OR3A2: variants seen among roughly 807,000 people sequenced by gnomAD.
The protein encoded by OR3A2 is olfactory receptor family 3 subfamily A member 2.
For missense variants in OR3A2, 318 were observed against 392.8 expected, an observed-to-expected ratio of 0.81 and a Z score of 1.61; for synonymous variants, 126 against 159.3, an observed-to-expected ratio of 0.79 and a Z score of 1.57.
chr17:3,292,399 T>C (rs547307019), intron 3 of OR3A2: 1 of 1,613,602 alleles, frequency 6.2e-7, no homozygotes, highest in Admixed American at 1.7e-5. Flanking sequence ...AAGAAGTACA[T>C]GGGGGTGTGG....
At chr17:3,338,299 G>T (rs1251536701) in intron 2 of OR3A2, among the ~76,000 whole-genome samples, 2 of 151,974 alleles carry the variant, frequency 1.3e-5, no homozygotes, top group African/African-American at 2.4e-5. Flanking sequence ...GTCTATTTTG[G>T]CTTTTGTTGC....
chr17:3,348,531 G>C (rs1374817110), intron 2 of OR3A2, among the ~76,000 whole-genome samples: 1 of 152,130 alleles, frequency 6.6e-6, no homozygotes, highest in Non-Finnish European at 1.5e-5. Context: ...GGGACTATGT[G>C]AAAAGACAAA....
At chr17:3,292,358 C>G in intron 3 of OR3A2, 1 of 1,614,094 alleles carries the variant, frequency 6.2e-7, no homozygotes, top group Non-Finnish European at 8.5e-7. Flanking sequence ...CGCTGATGCA[C>G]CCAACATCCA....
chr17:3,352,427 T>A (rs2049428561), intron 2 of OR3A2, among the ~76,000 whole-genome samples: 1 of 152,062 alleles, frequency 6.6e-6, no homozygotes, highest in Non-Finnish European at 1.5e-5. Context: ...ATTTGATTTT[T>A]ATTTATGATG....
At chr17:3,293,175 AG>A (rs1427914752) in intron 3 of OR3A2, among the ~76,000 whole-genome samples, 4 of 150,298 alleles carry the variant, frequency 2.7e-5, no homozygotes, top group Non-Finnish European at 5.9e-5. Flanking sequence ...AAGGGTGGGT[AG>A]GGGGAGGCAA....
chr17:3,292,623 T>C (rs1477891981), intron 3 of OR3A2: 13 of 1,476,812 alleles, frequency 8.8e-6, no homozygotes, highest in Non-Finnish European at 1.2e-5. Context: ...AAAGAATCAC[T>C]CCTCCCAATA....
Position 3,302,921 on chromosome 17 carries a change from C to T in OR3A2, c.-84-23768G>A, listed in dbSNP as rs192558523. On this transcript the variant is annotated intron_variant, in intron 3 of 4. Coordinates refer to the OR3A2 transcript ENST00000573491. ...TACAACTTTCTATCTCACTAGGCTG[C>T]CCCTGTTCATCACAACATATTTTAA... Among the ~76,000 whole-genome samples the T allele has an allele frequency of 2.0e-5, 3 of 152,262 alleles. No homozygotes were observed. The East Asian group carries it at 5.8e-4, about 29-fold the overall frequency.
intron 3 of OR3A2, chr17:3,292,028 T>C: frequency 6.2e-7 from 1 of 1,614,080 alleles, no homozygotes; most frequent in Admixed American, 1.7e-5. Flanking sequence ...GGAAGAGCTG[T>C]GGGAGGTCAC....
chr17:3,353,584 G>A (rs2049438733), intron 2 of OR3A2, among the ~76,000 whole-genome samples: 1 of 151,698 alleles, frequency 6.6e-6, no homozygotes, highest in African/African-American at 2.4e-5. Context: ...AAGGGATGTT[G>A]GATTTTATCA....
intron 3 of OR3A2, among the ~76,000 whole-genome samples, chr17:3,329,966 T>C (rs1212873683): frequency 6.8e-6 from 1 of 146,320 alleles, no homozygotes; most frequent in African/African-American, 2.7e-5. Context: ...CATTTCGTTA[T>C]GTATCCAGTA....
chr17:3,307,820 C>A (rs891405898), intron 3 of OR3A2, among the ~76,000 whole-genome samples: 1 of 152,114 alleles, frequency 6.6e-6, no homozygotes, highest in East Asian at 1.9e-4. Context: ...GAAATCCTGA[C>A]CTAGGCTCTG....
In OR3A2 at chr17:3,359,223, T is replaced by A. The variant is rs1200750191; in HGVS notation, c.-178-23097A>T. On this transcript the variant is annotated intron_variant, in intron 2 of 4. Coordinates refer to the OR3A2 transcript ENST00000573491. ...CAGAATACTACTGGATCTTGCTTTA[T>A]CCAGCTTGCCACTCTGTGCCTTTGA... Among the ~76,000 whole-genome samples the A allele has an allele frequency of 1.3e-5, 2 of 151,692 alleles. 1 individual carries two copies. The highest frequency in any genetic ancestry group is 4.9e-5 in the African/African-American group (2 of 40,982).
At chr17:3,288,258 A>AGAC (rs1402408982), upstream of OR3A2, among the ~76,000 whole-genome samples, 2 of 150,722 alleles carry the variant, frequency 1.3e-5, no homozygotes, top group Non-Finnish European at 3.0e-5. Flanking sequence ...AAAAAAAAAA[A>AGAC]AAAAAAAGAC....
intron 2 of OR3A2, among the ~76,000 whole-genome samples, chr17:3,344,328 G>A (rs955304096): frequency 1.0e-5 from 1 of 95,816 alleles, no homozygotes; most frequent in Non-Finnish European, 2.0e-5. Context: ...CAGCAATTTA[G>A]ACCTTCCTGC....
At chr17:3,304,416 T>C (rs931777532) in intron 3 of OR3A2, among the ~76,000 whole-genome samples, 7 of 152,164 alleles carry the variant, frequency 4.6e-5, no homozygotes, top group Non-Finnish European at 8.8e-5. Context: ...CTGGGCTCTG[T>C]TTGGGTTCTC....
chr17:3,339,068 T>G (rs2049294334), intron 2 of OR3A2, among the ~76,000 whole-genome samples: 1 of 152,136 alleles, frequency 6.6e-6, no homozygotes, highest in Non-Finnish European at 1.5e-5. Context: ...GCTCTCTGTT[T>G]GTCTGTTATT....
At chr17:3,295,178 G>A (rs917760660) in intron 3 of OR3A2, among the ~76,000 whole-genome samples, 25 of 152,114 alleles carry the variant, frequency 1.6e-4, no homozygotes, top group African/African-American at 6.0e-4. Flanking sequence ...GGAGATAGGA[G>A]GACGTATGTG....
At chr17:3,306,842 C>T (rs1450174423) in intron 3 of OR3A2, among the ~76,000 whole-genome samples, 1 of 151,830 alleles carries the variant, frequency 6.6e-6, no homozygotes, top group Non-Finnish European at 1.5e-5. Flanking sequence ...CTTCAAAAGA[C>T]ATTGTTAGTG....
intron 3 of OR3A2, among the ~76,000 whole-genome samples, chr17:3,312,550 C>T (rs1014799323): frequency 3.3e-5 from 5 of 152,142 alleles, no homozygotes; most frequent in African/African-American, 1.2e-4. Flanking sequence ...TCACAACCTG[C>T]CCCCGCCCCC....
Sources: allele counts gnomAD v4.1 joint callset (sites outside exome capture counted in the v4.1 genomes callset), GRCh38; gene constraint gnomAD v4.1.1; transcripts MANE v1.5; gene names NCBI Gene and HGNC (gene_info 2026-07-23, HGNC 2026-07-21).